Variants in MYH9 observed in about 807,000 individuals in gnomAD.
The protein encoded by MYH9 is myosin-9.
In MYH9, 29 loss-of-function variants were observed where a neutral mutation model predicts 241.9. That is an observed-to-expected ratio of 0.12 (90% CI 0.09 to 0.16). MYH9 has a LOEUF of 0.16. Ranked by LOEUF, MYH9 falls within the 10% of genes least tolerant of loss-of-function variation. MYH9 has a pLI of 1.00. For missense variants in MYH9, 1,803 were observed against 2,595.5 expected, an observed-to-expected ratio of 0.69 and a Z score of 6.63; for synonymous variants, 1,047 against 1,062.6, an observed-to-expected ratio of 0.99 and a Z score of 0.29.
chr22:36,286,119 T>C lies in MYH9; in HGVS notation c.5062-166A>G, dbSNP rs576678281. 4.7e-4 allele frequency: 332 copies of C among 706,502 alleles called. 2 individuals carry two copies. Among genetic ancestry groups the C allele is most frequent in the Non-Finnish European group, 7.2e-4 (288 of 400,814 alleles). The allele number at this position is 706,502 out of a possible 1,614,324, so 43.8% of individuals were successfully genotyped here. Reference sequence around the variant, plus strand: ...CACAGGGCTGGTGCCCCCCTGAAGATATAGCTTAAACACCATATGTTTATA... The same window carrying C: ...CACAGGGCTGGTGCCCCCCTGAAGACATAGCTTAAACACCATATGTTTATA... On this transcript the variant is annotated intron_variant, in intron 35 of 40. Transcript: ENST00000216181.
intron 1 of MYH9, among the ~76,000 whole-genome samples, chr22:36,367,642 G>A (rs1444886601): frequency 6.6e-6 from 1 of 152,148 alleles, no homozygotes; most frequent in African/African-American, 2.4e-5. Context: ...CAGCCTGGCC[G>A]GCAGGATGAC....
intron 10 of MYH9, among the ~76,000 whole-genome samples, chr22:36,318,869 T>G (rs1048029044): frequency 6.6e-6 from 1 of 152,066 alleles, no homozygotes; most frequent in African/African-American, 2.4e-5. Context: ...CTTCAAGCAA[T>G]TCTCCTGCCT....
chr22:36,350,662 G>A (rs1313985066), intron 1 of MYH9, among the ~76,000 whole-genome samples: 1 of 152,208 alleles, frequency 6.6e-6, no homozygotes, highest in Non-Finnish European at 1.5e-5. Flanking sequence ...AACCAGGTAA[G>A]GTATATATTA....
At chr22:36,381,184 T>C (rs1265264947) in intron 1 of MYH9, among the ~76,000 whole-genome samples, 1 of 152,126 alleles carries the variant, frequency 6.6e-6, no homozygotes, top group Non-Finnish European at 1.5e-5. Context: ...ATTTTTATAG[T>C]TAAGAAAAAT....
At chr22:36,283,979 T>G in intron 40 of MYH9, 114 bp downstream of exon 40, 16 of 1,289,428 alleles carry the variant, frequency 1.2e-5, no homozygotes, top group East Asian at 6.9e-5. Context: ...GGGATTGCTT[T>G]GTGCAGTCCT....
intron 1 of MYH9, among the ~76,000 whole-genome samples, chr22:36,376,459 G>T (rs1730875294): frequency 6.6e-6 from 1 of 151,974 alleles, no homozygotes; most frequent in African/African-American, 2.4e-5. Flanking sequence ...ACTCCCTGTT[G>T]GAGGATAAGG....
rs533453470 is a variant in MYH9, at chr22:36,284,490, T to C, written c.5505A>G (p.Lys1835=). The change falls in exon 39 of 41, where the codon AAA becomes AAG. Residue 1835 remains lysine, a synonymous_variant. Coordinates refer to ENST00000216181, the MANE Select transcript of MYH9 (RefSeq NM_002473.6). ...GCTTCTTCTCGGTCCGACGCACCTG[T>C]TTGCAGGCTGCCTGGCGCTCCCTGC... ...NETKERQAAC[K]QVRRTEKKLK... 7.4e-6 allele frequency: 12 copies of C among 1,612,980 alleles called. No homozygotes were observed. Among genetic ancestry groups the C allele is most frequent in the African/African-American group, 2.7e-5 (2 of 75,034 alleles).
At chr22:36,308,988 CA>C (rs2017015838) in intron 15 of MYH9, 1 of 489,832 alleles carries the variant, frequency 2.0e-6, no homozygotes, top group Non-Finnish European at 2.7e-6. Context: ...GGGAATGCAA[CA>C]TGGCGCGGGG....
chr22:36,323,580 A>T (rs993204884), intron 5 of MYH9, among the ~76,000 whole-genome samples: 1 of 152,108 alleles, frequency 6.6e-6, no homozygotes, highest in African/African-American at 2.4e-5. Flanking sequence ...GAGGAGTAGG[A>T]GCTCCCAGGA....
Position 36,329,187 on chromosome 22 carries a change from C to T in MYH9, c.491-1699G>A, listed in dbSNP as rs2017383153. On this transcript the variant is annotated intron_variant, in intron 3 of 40. Coordinates refer to ENST00000216181, the MANE Select transcript of MYH9 (RefSeq NM_002473.6). The surrounding 1 kb of genome is among the most constrained non-coding windows in gnomAD (Gnocchi z 4.1). The stretch of plus-strand genomic sequence containing the variant: ...GGGCTGGGTCACTCTCATTCACAAA[C>T]ACACCCCACACCCTGCTCTCTGATG... 6.6e-6 allele frequency among the ~76,000 whole-genome samples: 1 copy of T among 152,180 alleles called. No individual in the cohort carries two copies. The highest frequency in any genetic ancestry group is 2.4e-5 in the African/African-American group (1 of 41,432).
At chr22:36,374,600 CA>C (rs1367313168) in intron 1 of MYH9, among the ~76,000 whole-genome samples, 1 of 152,172 alleles carries the variant, frequency 6.6e-6, no homozygotes, top group Admixed American at 6.5e-5. Flanking sequence ...AATCTCATCC[CA>C]AGTCCTTTGG....
chr22:36,348,859 G>A (rs778273710), intron 2 of MYH9, 45 bp downstream of exon 2: 12 of 1,104,404 alleles, frequency 1.1e-5, no homozygotes, highest in South Asian at 3.8e-5. Context: ...CCCCCACCTC[G>A]GAGCCCTCAG....
At chr22:36,353,382 A>G (rs1481441429) in intron 1 of MYH9, among the ~76,000 whole-genome samples, 2 of 151,490 alleles carry the variant, frequency 1.3e-5, no homozygotes, top group Non-Finnish European at 2.9e-5. Flanking sequence ...TTTTTTTGAG[A>G]CAGAGACTCA....
rs566266930 is a variant in MYH9 at position 36,287,608 on chromosome 22, G to A, written c.4932+644C>T. ...AATACAAAAATTAGCCGGGCGTGGC[G>A]GCGTGCGCCTGTAGTCCCAGCTGCT... On this transcript the variant is annotated intron_variant, in intron 34 of 40. Transcript: ENST00000216181. Among the ~76,000 whole-genome samples the A allele has an allele frequency of 2.0e-4, 31 of 152,272 alleles. No homozygotes were observed. In the South Asian group the frequency reaches 2.3e-3, roughly 11 times the overall value.
Position 36,292,033 on chromosome 22 carries a change from G to A in MYH9, c.4297C>T (p.Arg1433Cys), listed in dbSNP as rs727503286. The A allele has an allele frequency of 2.4e-5, 39 of 1,614,052 alleles. No individual in the cohort carries two copies. Among genetic ancestry groups the A allele is most frequent in the Middle Eastern group, 1.6e-4 (1 of 6,082 alleles). Residue 1433 changes from arginine (R) to cysteine (C), a missense_variant, in exon 31 of 41, where the codon CGC becomes TGC. Arg to Cys is a radical substitution (Grantham distance 180). Around this residue, in one of 11 missense-constraint regions of MYH9, gnomAD observed 876 missense variants for 1,077.8 expected, o/e 0.81. Coordinates refer to ENST00000216181, the MANE Select transcript of MYH9 (RefSeq NM_002473.6). ...DDLLVDLDHQ[R>C]QSACNLEKKQ... ...TTCTCCAGGTTGCACGCGCTCTGGC[G>A]CTGGTGGTCCAGGTCCACCAGCAGG...
intron 1 of MYH9, among the ~76,000 whole-genome samples, chr22:36,357,443 C>T (rs1251778872): frequency 1.3e-5 from 2 of 152,128 alleles, no homozygotes; most frequent in East Asian, 1.9e-4. Flanking sequence ...CTGTCCTGTG[C>T]CACGTGGGGT....
intron 14 of MYH9, 22 bp downstream of exon 14, chr22:36,312,027 C>A: frequency 6.2e-7 from 1 of 1,613,544 alleles, no homozygotes. Context: ...CTGGCCAGCA[C>A]CTCCCCGTGA....
intron 24 of MYH9, among the ~76,000 whole-genome samples, 177 bp downstream of exon 24, chr22:36,298,742 G>A (rs116676157): frequency 2.6e-5 from 4 of 152,280 alleles, no homozygotes; most frequent in East Asian, 3.9e-4. Context: ...CACCAGACAC[G>A]GCTCCCCTCG....
chr22:36,329,410 C>T lies in MYH9; in HGVS notation c.491-1922G>A, dbSNP rs559287402. Among the ~76,000 whole-genome samples the T allele has an allele frequency of 4.6e-5, 7 of 152,324 alleles. No homozygotes were observed. In the East Asian group the frequency reaches 1.4e-3, roughly 29 times the overall value. ...TGGGGAAGACAGAGCAATTTCATTG[C>T]TGGCCCCTAACGACAGTGTGGCAAC... On this transcript the variant is annotated intron_variant, in intron 3 of 40. Coordinates refer to ENST00000216181, the MANE Select transcript of MYH9 (RefSeq NM_002473.6). The surrounding 1 kb of genome is among the most constrained non-coding windows in gnomAD (Gnocchi z 4.1).
Sources: gnomAD v4.1 joint callset for allele counts (sites outside exome capture counted in the v4.1 genomes callset) on GRCh38, gnomAD v4.1.1 for gene constraint, gnomAD v4.1.1 regional missense constraint, Gnocchi (gnomAD v3.1) non-coding constraint, MANE v1.5 for transcripts, NCBI Gene and HGNC (gene_info 2026-07-23, HGNC 2026-07-21) for gene names.